The following SLC30A6 variants were observed in gnomAD, a reference collection of about 807,000 sequenced individuals.
SLC30A6 encodes the protein zinc transporter 6.
A neutral mutation model predicts 63.0 loss-of-function variants in SLC30A6; 55 were observed. The observed-to-expected ratio is 0.87, with a 90% confidence interval of 0.70 to 1.09. SLC30A6 has a LOEUF of 1.09. SLC30A6 is among the 50% of genes least tolerant of loss of function. SLC30A6 has a pLI of 0.00. For synonymous variants in SLC30A6, 224 were observed against 186.1 expected (o/e 1.20, Z -1.66); for missense variants, 587 against 549.2 (o/e 1.07, Z -0.69).
chr2:32,171,786 G>A (rs756019225), intron 2 of SLC30A6, among the ~76,000 whole-genome samples: 5 of 151,782 alleles, frequency 3.3e-5, no homozygotes, highest in Non-Finnish European at 5.9e-5. Flanking sequence ...TCTGCCTCCC[G>A]GGTTCAAGCG....
chr2:32,180,963 A>C (rs150722444), intron 4 of SLC30A6, among the ~76,000 whole-genome samples: 27 of 152,330 alleles, frequency 1.8e-4, no homozygotes, highest in Middle Eastern at 3.4e-3. Flanking sequence ...ATAACGTTTC[A>C]GATGAAAGGT....
chr2:32,180,932 A>G (rs1316304493), intron 4 of SLC30A6, among the ~76,000 whole-genome samples: 3 of 152,256 alleles, frequency 2.0e-5, no homozygotes, highest in Admixed American at 2.0e-4. Context: ...ACAATCTGCC[A>G]TATGAGTTAG....
chr2:32,174,903 A>G (rs1206649483), intron 3 of SLC30A6, among the ~76,000 whole-genome samples: 3 of 152,174 alleles, frequency 2.0e-5, no homozygotes, highest in African/African-American at 7.2e-5. Context: ...TGCAGTTTGT[A>G]AGTTAGATTT....
intron 10 of SLC30A6, chr2:32,203,339 G>T: frequency 1.1e-6 from 1 of 916,902 alleles, no homozygotes; most frequent in South Asian, 1.3e-5. Flanking sequence ...TTTTAAATGT[G>T]TAGGTATTCC....
Position 32,221,779 on chromosome 2 carries a change from T to C in SLC30A6, c.*1066T>C, listed in dbSNP as rs969305493. The stretch of plus-strand genomic sequence containing the variant: ...CAGTGTTTTATTTTGATTAAGTGAC[T>C]ACCCAACTTTTGGTGATATGCAGTG... On this transcript the variant is annotated 3_prime_UTR_variant, in exon 14 of 14. Coordinates refer to ENST00000282587, the MANE Select transcript of SLC30A6 (RefSeq NM_017964.5). The C allele has an allele frequency of 6.6e-6, 1 of 152,214 alleles. No individual in the cohort carries two copies. The highest frequency in any genetic ancestry group is 2.4e-5 in the African/African-American group (1 of 41,470). 9.4% of individuals were successfully genotyped at this position (152,214 alleles called of 1,614,324 possible).
chr2:32,197,971 TTC>T, intron 10 of SLC30A6, 145 bp downstream of exon 10: 1 of 948,970 alleles, frequency 1.1e-6, no homozygotes, highest in South Asian at 1.8e-5. Flanking sequence ...CTTAGGTGTC[TTC>T]ATCTGAAAAA....
intron 7 of SLC30A6, among the ~76,000 whole-genome samples, chr2:32,193,297 A>T (rs973470999): frequency 6.6e-6 from 1 of 152,092 alleles, no homozygotes; most frequent in African/African-American, 2.4e-5. Context: ...AGAGAATTGG[A>T]CGAGGCTCAG....
chr2:32,168,349 T>C (rs1680872880), intron 1 of SLC30A6, among the ~76,000 whole-genome samples: 3 of 149,218 alleles, frequency 2.0e-5, no homozygotes, highest in Admixed American at 2.0e-4. Context: ...TATTTTAAAA[T>C]AAAATATTGA....
Position 32,174,125 on chromosome 2 carries a change from G to C in SLC30A6, c.153G>C (p.Trp51Cys). 6.2e-7 allele frequency: 1 copy of C among 1,613,328 alleles called. No individual in the cohort carries two copies. Among genetic ancestry groups the C allele is most frequent in the Non-Finnish European group, 8.5e-7 (1 of 1,179,548 alleles). ...TATGTACTGGCTTCCTGCTTATGTG[G>C]TGCAGTTCTACTAATAGTATAGGTA... ...NLICTGFLLM[W>C]CSSTNSIALT... The change falls in exon 3 of 14, where the codon TGG becomes TGC. Residue 51 changes from tryptophan to cysteine, a missense_variant. Trp to Cys is a radical substitution (Grantham distance 215). Coordinates refer to ENST00000282587, the MANE Select transcript of SLC30A6 (RefSeq NM_017964.5).
In SLC30A6 at chr2:32,220,345, G is replaced by T. The variant is rs368311032; in HGVS notation, c.1018G>T (p.Ala340Ser). 222 of 1,614,056 alleles carry T rather than the reference G, an allele frequency of 1.4e-4. No homozygotes were observed. The highest frequency in any genetic ancestry group is 1.6e-4 in the Non-Finnish European group (186 of 1,180,036). Residue 340 changes from alanine to serine, a missense_variant, in exon 14 of 14, where the codon GCC (alanine) becomes TCC (serine). Coordinates refer to ENST00000282587, the MANE Select transcript of SLC30A6 (RefSeq NM_017964.5). ...QIFKDDWIRP[A>S]LLSGPVAANV... ...TTTCAAGGATGACTGGATTAGGCCT[G>T]CCTTATTGTCTGGGCCTGTTGCAGC...
chr2:32,183,752 C>T (rs541044728), intron 4 of SLC30A6, among the ~76,000 whole-genome samples: 3 of 150,442 alleles, frequency 2.0e-5, no homozygotes, highest in South Asian at 2.1e-4. Flanking sequence ...CTGGGTCTAA[C>T]GCAGATAGTT....
intron 10 of SLC30A6, chr2:32,202,292 C>T (rs1684362877): frequency 2.0e-6 from 1 of 490,928 alleles, no homozygotes; most frequent in African/African-American, 2.0e-5. Flanking sequence ...TTTTGCGATC[C>T]CTTTGATTGA....
chr2:32,197,188 AAG>A, intron 8 of SLC30A6, 154 bp from the exon 9 acceptor site: 2 of 643,604 alleles, frequency 3.1e-6, no homozygotes, highest in African/African-American at 1.8e-5. Context: ...AAGGGCATAA[AAG>A]AGGAAACATT....
intron 13 of SLC30A6, among the ~76,000 whole-genome samples, chr2:32,215,516 A>AT (rs10681739): frequency 0.23 from 29,827 of 132,244 alleles, 4,011 homozygotes; most frequent in Admixed American, 0.29. Flanking sequence ...ATATATATAT[A>AT]TTTTTTTTTT....
rs545392824 is a variant in SLC30A6 at position 32,220,880 on chromosome 2, T to A, written c.*167T>A. ...AAACTATATTTTTGTAAAATGTATT[T>A]GTGACAGTGAAATCCTCGTAAATGT... On this transcript the variant is annotated 3_prime_UTR_variant, in exon 14 of 14. Coordinates refer to ENST00000282587, the MANE Select transcript of SLC30A6 (RefSeq NM_017964.5). 8 of 644,956 alleles carry A rather than the reference T, an allele frequency of 1.2e-5. No homozygotes were observed. The highest frequency in any genetic ancestry group is 2.0e-5 in the Non-Finnish European group (8 of 392,978). 40.0% of individuals were successfully genotyped at this position (644,956 alleles called of 1,614,324 possible).
chr2:32,193,014 A>G, intron 7 of SLC30A6, 61 bp downstream of exon 7: 1 of 1,104,026 alleles, frequency 9.1e-7, no homozygotes, highest in Non-Finnish European at 1.3e-6. Flanking sequence ...TTGATGTATT[A>G]TTAAACAGTT....
intron 5 of SLC30A6, among the ~76,000 whole-genome samples, chr2:32,188,125 A>G (rs575871911): frequency 4.6e-5 from 7 of 152,098 alleles, no homozygotes; most frequent in African/African-American, 1.7e-4. Context: ...TAGGATACTG[A>G]CTTTCTTTTT....
At chr2:32,213,071 G>T (rs1685396082) in intron 13 of SLC30A6, among the ~76,000 whole-genome samples, 1 of 151,550 alleles carries the variant, frequency 6.6e-6, no homozygotes, top group Non-Finnish European at 1.5e-5. Flanking sequence ...ATGCCCAGCT[G>T]ATCTTTTTAA....
intron 4 of SLC30A6, among the ~76,000 whole-genome samples, chr2:32,182,009 C>G (rs1271695153): frequency 2.0e-5 from 3 of 147,686 alleles, no homozygotes; most frequent in Non-Finnish European, 3.0e-5. Context: ...TCATGGCTCA[C>G]TGCAGCTGCA....
Sources: gnomAD v4.1 joint callset for allele counts (sites outside exome capture counted in the v4.1 genomes callset) on GRCh38, gnomAD v4.1.1 for gene constraint, MANE v1.5 for transcripts, NCBI Gene and HGNC (gene_info 2026-07-23, HGNC 2026-07-21) for gene names.